NXNL2: variants seen among roughly 807,000 people sequenced by gnomAD.
NXNL2 encodes nucleoredoxin like 2.
In NXNL2, 7 loss-of-function variants were observed where a neutral mutation model predicts 11.1. That is an observed-to-expected ratio of 0.63 (90% CI 0.36 to 1.18). The LOEUF (loss-of-function observed/expected upper bound fraction) is 1.18, where lower values mean the gene tolerates loss of function less well. Among genes scored for constraint, NXNL2 ranks in the 50% most tolerant of loss-of-function variants. The pLI is 0.02. For synonymous variants in NXNL2, 109 were observed against 101.8 expected (o/e 1.07, Z -0.42); for missense variants, 233 against 217.7 (o/e 1.07, Z -0.44).
chr9:88,568,142 C>T (rs80176254), intron 1 of NXNL2, among the ~76,000 whole-genome samples: 5,004 of 152,272 alleles, frequency 0.033, 297 homozygotes, highest in African/African-American at 0.11. Context: ...ACACAGAATT[C>T]CCTATAGCCC....
exon 2 of NXNL2, chr9:88,584,164 TG>T (rs1293819856): frequency 2.6e-5 from 4 of 152,262 alleles, no homozygotes; most frequent in African/African-American, 9.6e-5. Flanking sequence ...ACAGCCAGTC[TG>T]TTTTTAGTAT....
intron 1 of NXNL2, among the ~76,000 whole-genome samples, chr9:88,567,905 C>A (rs910150592): frequency 6.6e-6 from 1 of 152,194 alleles, no homozygotes; most frequent in Non-Finnish European, 1.5e-5. Flanking sequence ...GAAGGAGGTA[C>A]TGATGCTCAG....
At chr9:88,559,804 C>A (rs753482786) in intron 1 of NXNL2, among the ~76,000 whole-genome samples, 1 of 151,990 alleles carries the variant, frequency 6.6e-6, no homozygotes, top group Non-Finnish European at 1.5e-5. Context: ...CTTTCAGGAC[C>A]GGCCGGTGCC....
intron 1 of NXNL2, among the ~76,000 whole-genome samples, chr9:88,553,044 C>T (rs1345824980): frequency 6.6e-6 from 1 of 152,182 alleles, no homozygotes; most frequent in South Asian, 2.1e-4. Context: ...AAAAACCCAT[C>T]TATAATCTAA....
At chr9:88,569,849 G>T (rs1240235021) in intron 1 of NXNL2, among the ~76,000 whole-genome samples, 1 of 152,076 alleles carries the variant, frequency 6.6e-6, no homozygotes, top group Non-Finnish European at 1.5e-5. Context: ...TTTAGAATTA[G>T]ATTTGCTAAT....
chr9:88,582,658 C>G (rs1233241984), intron 1 of NXNL2, among the ~76,000 whole-genome samples: 1 of 136,258 alleles, frequency 7.3e-6, no homozygotes, highest in Non-Finnish European at 1.6e-5. Context: ...CTCCCTCTCT[C>G]TCTTTCTTTC....
chr9:88,570,994 TG>T, intron 1 of NXNL2: 1 of 350,660 alleles, frequency 2.9e-6, no homozygotes, highest in East Asian at 1.1e-4. Context: ...CCACCCGAGT[TG>T]GCCTCCCAAA....
Position 88,568,863 on chromosome 9 carries a change from T to C in NXNL2, c.303-2224T>C, listed in dbSNP as rs545912586. Among the ~76,000 whole-genome samples the C allele has an allele frequency of 1.1e-4, 16 of 152,338 alleles. No individual in the cohort carries two copies. In the South Asian group the frequency reaches 3.3e-3, roughly 32 times the overall value. On this transcript the variant is annotated intron_variant, in intron 1 of 2. Coordinates refer to the NXNL2 transcript ENST00000375855. Reference sequence around the variant, plus strand: ...GATGAGAACCCACTTGGTTACATTATGGAGGCTTTGATCCAGCAAGAAGAT... The same window carrying C: ...GATGAGAACCCACTTGGTTACATTACGGAGGCTTTGATCCAGCAAGAAGAT...
chr9:88,560,969 T>C (rs1470899728), intron 1 of NXNL2, among the ~76,000 whole-genome samples: 1 of 152,180 alleles, frequency 6.6e-6, no homozygotes, highest in Non-Finnish European at 1.5e-5. Flanking sequence ...ATTATCTTTA[T>C]GCAATTAAAA....
Position 88,535,593 on chromosome 9 carries a change from G to C in NXNL2, c.159G>C (p.Thr53=). The change falls in exon 1 of 2, where the codon ACG becomes ACC. Residue 53 remains threonine (T), a synonymous_variant. Transcript: ENST00000375854. ...CGCCGCTGCTCTGCGACTTCTATAC[G>C]GCGCTGGTGGCCGAGGCGCGGCGGC... The part of the protein sequence containing the change: ...DFTPLLCDFY[T]ALVAEARRPA... The C allele has an allele frequency of 3.1e-6, 5 of 1,609,426 alleles. No individual in the cohort carries two copies. The highest frequency in any genetic ancestry group is 4.2e-6 in the Non-Finnish European group (5 of 1,179,308).
intron 1 of NXNL2, among the ~76,000 whole-genome samples, chr9:88,537,268 C>G (rs1233476985): frequency 6.6e-6 from 1 of 152,178 alleles, no homozygotes; most frequent in Non-Finnish European, 1.5e-5. Flanking sequence ...TCTGAGGACC[C>G]TCTTTCTGCC....
chr9:88,573,197 G>A (rs1047480196), intron 2 of NXNL2, among the ~76,000 whole-genome samples: 1 of 151,682 alleles, frequency 6.6e-6, no homozygotes, highest in African/African-American at 2.4e-5. Flanking sequence ...AGGCTGGAGT[G>A]CAGTGGTAAG....
downstream of NXNL2, among the ~76,000 whole-genome samples, chr9:88,546,276 G>A (rs72618179): frequency 0.12 from 17,822 of 151,962 alleles, 2,535 homozygotes; most frequent in East Asian, 0.77. Context: ...TGGGCTGGAA[G>A]ATTTTGCTTT....
At chr9:88,562,986 G>T (rs896254478) in intron 1 of NXNL2, among the ~76,000 whole-genome samples, 3 of 151,798 alleles carry the variant, frequency 2.0e-5, no homozygotes, top group African/African-American at 2.4e-5. Context: ...TACTCGGGAG[G>T]CTGAGGCAGG....
downstream of NXNL2, among the ~76,000 whole-genome samples, chr9:88,579,722 C>T (rs77631716): frequency 0.012 from 1,757 of 152,174 alleles, 15 homozygotes; most frequent in Middle Eastern, 0.027. Context: ...AAATAAACTC[C>T]GCAATGAAAA....
chr9:88,563,252 G>A (rs1564074136), intron 1 of NXNL2, among the ~76,000 whole-genome samples: 1 of 152,206 alleles, frequency 6.6e-6, no homozygotes, highest in Non-Finnish European at 1.5e-5. Flanking sequence ...ACATATGTGT[G>A]TACACACACA....
downstream of NXNL2, among the ~76,000 whole-genome samples, chr9:88,549,684 T>C (rs1349607818): frequency 1.3e-5 from 2 of 152,202 alleles, no homozygotes. Context: ...CTCATGGTTC[T>C]GCAGGCTTTA....
chr9:88,571,594 G>T (rs1320598319), intron 2 of NXNL2, among the ~76,000 whole-genome samples: 1 of 152,226 alleles, frequency 6.6e-6, no homozygotes, highest in Non-Finnish European at 1.5e-5. Flanking sequence ...CGCGTGTGGA[G>T]TGGGCAGGGA....
rs138809247 is a variant in NXNL2, at chr9:88,572,614, C to T, written c.*16+1406C>T. Among the ~76,000 whole-genome samples, 26 of 152,266 alleles carry T rather than the reference C, an allele frequency of 1.7e-4. No homozygotes were observed. The East Asian group carries it at 4.5e-3, about 26-fold the overall frequency. ...CTGCCGACCCCGGCAAAACACAGGG[C>T]GATCGGCCTGTGCTGCGACCCAGGT... On this transcript the variant is annotated intron_variant, in intron 2 of 2. Coordinates refer to the NXNL2 transcript ENST00000375855.
Sources: gnomAD v4.1 joint callset for allele counts (sites outside exome capture counted in the v4.1 genomes callset) on GRCh38, gnomAD v4.1.1 for gene constraint, MANE v1.5 for transcripts, NCBI Gene and HGNC (gene_info 2026-07-23, HGNC 2026-07-21) for gene names.